ROBO1: variants seen among roughly 807,000 people sequenced by gnomAD.
The protein encoded by ROBO1 is roundabout guidance receptor 1.
A neutral mutation model predicts 195.9 loss-of-function variants in ROBO1; 149 were observed. That is an observed-to-expected ratio of 0.76 (90% CI 0.67 to 0.87). The LOEUF (loss-of-function observed/expected upper bound fraction) is 0.87. Among genes scored for constraint, ROBO1 ranks in the 40% least tolerant of loss-of-function variants. ROBO1 has a pLI of 0.00. For missense variants in ROBO1, 1,933 were observed against 2,068.3 expected (o/e 0.93, Z 1.27); for synonymous variants, 816 against 733.2 (o/e 1.11, Z -1.82).
chr3:79,066,239 A>G (rs557631441), intron 3 of ROBO1, among the ~76,000 whole-genome samples: 1 of 152,032 alleles, frequency 6.6e-6, no homozygotes, highest in East Asian at 2.0e-4. Context: ...AGGATTATTG[A>G]AAAAGCCAAA....
At chr3:78,971,747 T>G (rs9879944) in intron 3 of ROBO1, among the ~76,000 whole-genome samples, 25,824 of 151,928 alleles carry the variant, frequency 0.17, 2,978 homozygotes, top group African/African-American at 0.33. Flanking sequence ...AAATATTTTT[T>G]TTGTTGTTGT....
intron 3 of ROBO1, among the ~76,000 whole-genome samples, chr3:79,096,720 A>ATATACATATATGTATAAATATG (rs2079575199): frequency 6.6e-6 from 1 of 150,740 alleles, no homozygotes; most frequent in Non-Finnish European, 1.5e-5. Context: ...ATATATACAT[A>ATATACATATATGTATAAATATG]TATAAATATG....
chr3:79,298,031 T>C (rs1342868118), intron 2 of ROBO1, among the ~76,000 whole-genome samples: 1 of 152,152 alleles, frequency 6.6e-6, no homozygotes, highest in Non-Finnish European at 1.5e-5. Flanking sequence ...ATATGTGAAA[T>C]AATTTGATCA....
At chr3:79,660,162 G>T (rs1360546690) in intron 1 of ROBO1, among the ~76,000 whole-genome samples, 1 of 151,820 alleles carries the variant, frequency 6.6e-6, no homozygotes, top group Non-Finnish European at 1.5e-5. Context: ...TCCGACTAGG[G>T]AAATGACTTT....
intron 2 of ROBO1, among the ~76,000 whole-genome samples, chr3:79,479,820 A>AT (rs1348507457): frequency 6.6e-6 from 1 of 152,150 alleles, no homozygotes; most frequent in African/African-American, 2.4e-5. Flanking sequence ...CATCAACAAT[A>AT]TTTTAGAACC....
intron 2 of ROBO1, among the ~76,000 whole-genome samples, chr3:79,255,522 C>A (rs1225646326): frequency 6.6e-6 from 1 of 152,134 alleles, no homozygotes; most frequent in Non-Finnish European, 1.5e-5. Context: ...GTAATGGCTA[C>A]ATTAGAAATC....
In ROBO1 at chr3:78,707,087, T is replaced by C. The variant is rs146098298; in HGVS notation, c.1045+7310A>G. 6.7e-3 allele frequency among the ~76,000 whole-genome samples: 1,022 copies of C among 152,310 alleles called. 8 individuals carry two copies. Among genetic ancestry groups the C allele is most frequent in the Non-Finnish European group, 0.01 (692 of 68,036 alleles). ...CTCTGACAGCTGCTTCTTGTTTTAC[T>C]GAAAGTTATAATTACTCTTCAACTC... On this transcript the variant is annotated intron_variant, in intron 8 of 30. Coordinates refer to ENST00000464233, the MANE Select transcript of ROBO1 (RefSeq NM_002941.4).
chr3:79,365,036 T>A (rs562831159), intron 2 of ROBO1, among the ~76,000 whole-genome samples: 70 of 152,328 alleles, frequency 4.6e-4, no homozygotes, highest in Non-Finnish European at 8.7e-4. Flanking sequence ...ACTCTATAGC[T>A]ACAACTTCTT....
intron 2 of ROBO1, among the ~76,000 whole-genome samples, chr3:79,589,408 T>G (rs1943926470): frequency 1.3e-5 from 2 of 151,758 alleles, no homozygotes; most frequent in Non-Finnish European, 3.0e-5. Context: ...AACATGTTAC[T>G]ACGCTAAGAA....
chr3:79,458,533 G>A (rs2107243299), intron 2 of ROBO1, among the ~76,000 whole-genome samples: 1 of 151,950 alleles, frequency 6.6e-6, no homozygotes, highest in Non-Finnish European at 1.5e-5. Flanking sequence ...TTTATCATGT[G>A]TTCACTGGAC....
intron 3 of ROBO1, among the ~76,000 whole-genome samples, chr3:78,989,847 T>C (rs2077195166): frequency 6.6e-6 from 1 of 152,208 alleles, no homozygotes; most frequent in South Asian, 2.1e-4. Flanking sequence ...GACAGGAACA[T>C]TTTTGAATTT....
chr3:78,963,090 G>GATATATAT (rs71127370), intron 3 of ROBO1, among the ~76,000 whole-genome samples: 191 of 145,738 alleles, frequency 1.3e-3, no homozygotes, highest in Middle Eastern at 3.5e-3. Flanking sequence ...TCTCATACTT[G>GATATATAT]ATATATATAT....
intron 1 of ROBO1, among the ~76,000 whole-genome samples, chr3:79,749,174 G>C (rs893562063): frequency 4.6e-5 from 7 of 152,026 alleles, no homozygotes; most frequent in Admixed American, 4.6e-4. Context: ...CTGGAGTAAG[G>C]GTGAATCTTG....
chr3:78,686,814 C>T (rs2081062606), intron 9 of ROBO1, among the ~76,000 whole-genome samples: 1 of 152,084 alleles, frequency 6.6e-6, no homozygotes, highest in Admixed American at 6.5e-5. Flanking sequence ...TAACACATAT[C>T]TTGTTTCTCT....
In ROBO1 at chr3:78,897,344, T is replaced by C. The variant is rs895163196; in HGVS notation, c.499+41257A>G. Among the ~76,000 whole-genome samples, 4 of 152,148 alleles carry C rather than the reference T, an allele frequency of 2.6e-5. No homozygotes were observed. The East Asian group carries it at 7.7e-4, about 29-fold the overall frequency. ...CCCACAGATGATTCCAGTGTGCAGA[T>C]AGTCTGGGAACCATAAACACATCAA... On this transcript the variant is annotated intron_variant, in intron 4 of 30. Transcript: ENST00000464233.
Position 79,475,741 on chromosome 3 carries a change from T to C in ROBO1, c.88+114083A>G, listed in dbSNP as rs531703688. ...GCACCCTATGGTCCTCCCCACTAGT[T>C]TGAACAGAAAGTTTTAATAACAAAG... is the stretch of plus-strand genomic sequence containing the variant. On this transcript the variant is annotated intron_variant, in intron 2 of 30. Transcript: ENST00000464233. Among the ~76,000 whole-genome samples the C allele has an allele frequency of 2.6e-5, 4 of 152,148 alleles. No individual in the cohort carries two copies. The East Asian group carries it at 7.7e-4, about 29-fold the overall frequency.
chr3:79,304,175 A>C (rs1009502615), intron 2 of ROBO1, among the ~76,000 whole-genome samples: 1 of 152,254 alleles, frequency 6.6e-6, no homozygotes, highest in African/African-American at 2.4e-5. Context: ...ATCCAAGTAA[A>C]CCTGTTTTGG....
At chr3:79,378,859 A>G (rs1433226738) in intron 2 of ROBO1, among the ~76,000 whole-genome samples, 1 of 152,210 alleles carries the variant, frequency 6.6e-6, no homozygotes, top group African/African-American at 2.4e-5. Context: ...GGAAAGGCTG[A>G]GCATCAGTTT....
At chr3:78,999,892 T>C (rs2077458328) in intron 3 of ROBO1, among the ~76,000 whole-genome samples, 1 of 152,120 alleles carries the variant, frequency 6.6e-6, no homozygotes, top group Non-Finnish European at 1.5e-5. Flanking sequence ...AGAATATTCA[T>C]TAATATTTAG....
Sources: allele counts gnomAD v4.1 joint callset (sites outside exome capture counted in the v4.1 genomes callset), GRCh38; gene constraint gnomAD v4.1.1; transcripts MANE v1.5; gene names NCBI Gene and HGNC (gene_info 2026-07-23, HGNC 2026-07-21).